Variants in INTS7 observed in about 807,000 individuals in gnomAD.
INTS7 encodes chromosome 1 open reading frame 73.
A neutral mutation model predicts 109.2 loss-of-function variants in INTS7; 46 were observed. The ratio of observed to expected loss-of-function variants is 0.42; its 90% CI spans 0.33 to 0.54. The LOEUF is 0.54. INTS7 is among the 20% of genes least tolerant of loss of function. The pLI is 0.07. For synonymous variants in INTS7, 412 were observed against 402.9 expected (o/e 1.02, Z -0.27); for missense variants, 929 against 1,132.4 (o/e 0.82, Z 2.58).
intron 1 of INTS7, among the ~76,000 whole-genome samples, chr1:212,031,530 T>C (rs1014884922): frequency 6.6e-6 from 1 of 152,214 alleles, no homozygotes; most frequent in African/African-American, 2.4e-5. Context: ...TGCCTTCCCA[T>C]TGCACTCTGC....
intron 17 of INTS7, among the ~76,000 whole-genome samples, chr1:211,951,633 G>A (rs907129186): frequency 2.0e-5 from 3 of 152,154 alleles, no homozygotes; most frequent in Non-Finnish European, 4.4e-5. Flanking sequence ...AGAAGAGGAA[G>A]AGTGACCAGA....
chr1:211,996,339 T>A (rs990291603), intron 7 of INTS7, among the ~76,000 whole-genome samples: 1 of 152,046 alleles, frequency 6.6e-6, no homozygotes, highest in South Asian at 2.1e-4. Flanking sequence ...GGAGAATCGC[T>A]TGAACCCAGG....
intron 13 of INTS7, among the ~76,000 whole-genome samples, chr1:211,969,043 G>A (rs889929058): frequency 3.3e-5 from 5 of 152,024 alleles, no homozygotes; most frequent in African/African-American, 9.7e-5. Context: ...CCAGCACTTC[G>A]GGAGGTCGAG....
chr1:212,006,089 T>C (rs1665897525), intron 7 of INTS7, among the ~76,000 whole-genome samples: 1 of 152,132 alleles, frequency 6.6e-6, no homozygotes, highest in African/African-American at 2.4e-5. Flanking sequence ...CAGGGTTCTA[T>C]TTTGAGAAAA....
chr1:211,975,117 G>A, intron 13 of INTS7, 49 bp downstream of exon 13: 1 of 1,289,396 alleles, frequency 7.8e-7, no homozygotes, highest in Non-Finnish European at 1.1e-6. Flanking sequence ...AGAAGGGAGA[G>A]AACTCTCACA....
At chr1:212,006,912 CTT>C in intron 6 of INTS7, 151 bp from the exon 7 acceptor site, 1 of 647,282 alleles carries the variant, frequency 1.5e-6, no homozygotes, top group South Asian at 2.5e-5. Flanking sequence ...ATTTGGGCCT[CTT>C]TCTCCATGTT....
chr1:212,026,129 A>G (rs1002220259), intron 1 of INTS7, among the ~76,000 whole-genome samples: 2 of 152,158 alleles, frequency 1.3e-5, no homozygotes, highest in African/African-American at 4.8e-5. Context: ...AGCCTGGGTG[A>G]CAGAGACCCT....
At chr1:212,010,516 C>G (rs1666121705) in intron 5 of INTS7, among the ~76,000 whole-genome samples, 1 of 151,992 alleles carries the variant, frequency 6.6e-6, no homozygotes, top group South Asian at 2.1e-4. Flanking sequence ...TAGCCTCTCT[C>G]ACACAGAGCA....
At chr1:212,017,246 A>T (rs1490145916) in intron 3 of INTS7, among the ~76,000 whole-genome samples, 1 of 152,274 alleles carries the variant, frequency 6.6e-6, no homozygotes, top group Non-Finnish European at 1.5e-5. Flanking sequence ...TAAAAAGCAA[A>T]ATTTTTAACA....
chr1:211,994,776 T>A (rs1314132761), intron 7 of INTS7, among the ~76,000 whole-genome samples: 1 of 149,904 alleles, frequency 6.7e-6, no homozygotes, highest in Non-Finnish European at 1.5e-5. Flanking sequence ...AAAAAAAGTA[T>A]GTTCAATTAA....
intron 4 of INTS7, 122 bp downstream of exon 4, chr1:212,016,764 C>T: frequency 1.3e-6 from 1 of 750,418 alleles, no homozygotes; most frequent in Non-Finnish European, 2.2e-6. Context: ...TCTTGGAAAA[C>T]ACACCTTGTA....
rs554099117 is a variant in INTS7 at position 212,016,832 on chromosome 1, A to C, written c.509+54T>G. On this transcript the variant is annotated intron_variant, in intron 4 of 19. Coordinates refer to ENST00000366994, the MANE Select transcript of INTS7 (RefSeq NM_015434.4). Reference sequence around the variant, plus strand: ...ATAAGTTGATCAGTTTTTCCTTCAAAAATTTTTCTTGGGAAGCCAAATTAC... The same window carrying C: ...ATAAGTTGATCAGTTTTTCCTTCAACAATTTTTCTTGGGAAGCCAAATTAC... 1.7e-5 allele frequency: 25 copies of C among 1,501,896 alleles called. No individual in the cohort carries two copies. The East Asian group carries it at 5.9e-4, about 35-fold the overall frequency. 93.0% of individuals were successfully genotyped at this position (1,501,896 alleles called of 1,614,324 possible).
At chr1:212,011,135 C>T (rs960831253) in intron 5 of INTS7, among the ~76,000 whole-genome samples, 1 of 152,068 alleles carries the variant, frequency 6.6e-6, no homozygotes, top group Non-Finnish European at 1.5e-5. Context: ...ATGTCATAGG[C>T]ACATTTGTCT....
At chr1:211,993,453 G>C (rs1665230152) in intron 7 of INTS7, among the ~76,000 whole-genome samples, 1 of 152,200 alleles carries the variant, frequency 6.6e-6, no homozygotes, top group Non-Finnish European at 1.5e-5. Context: ...GCCAAGGCGG[G>C]TGGATCACCT....
chr1:212,030,969 G>C (rs1006084681), intron 1 of INTS7: 1 of 152,234 alleles, frequency 6.6e-6, no homozygotes, highest in Non-Finnish European at 1.5e-5. Flanking sequence ...TGCAGAGACA[G>C]TTGTCCTGAT....
At chr1:212,034,240 TA>T (rs1392450374) in intron 1 of INTS7, among the ~76,000 whole-genome samples, 4 of 152,014 alleles carry the variant, frequency 2.6e-5, no homozygotes, top group African/African-American at 4.8e-5. Context: ...AATATCCCAT[TA>T]GGGGGCTGTG....
chr1:211,956,993 C>T (rs980795476), intron 16 of INTS7, among the ~76,000 whole-genome samples: 1 of 152,162 alleles, frequency 6.6e-6, no homozygotes, highest in Non-Finnish European at 1.5e-5. Flanking sequence ...CTTTATATGA[C>T]ATTGTCAAAC....
intron 16 of INTS7, 59 bp from the exon 17 acceptor site, chr1:211,952,760 C>T (rs1220085855): frequency 1.5e-6 from 2 of 1,337,408 alleles, no homozygotes; most frequent in Non-Finnish European, 2.1e-6. Context: ...TTAATGCCTA[C>T]ATGTATCAGG....
At chr1:211,958,299 T>G (rs1663456835) in intron 16 of INTS7, among the ~76,000 whole-genome samples, 1 of 151,522 alleles carries the variant, frequency 6.6e-6, no homozygotes, top group African/African-American at 2.4e-5. Context: ...TAGGTTAACA[T>G]TTTTTTTTCC....
Sources: allele counts gnomAD v4.1 joint callset (sites outside exome capture counted in the v4.1 genomes callset), GRCh38; gene constraint gnomAD v4.1.1; transcripts MANE v1.5; gene names NCBI Gene and HGNC (gene_info 2026-07-23, HGNC 2026-07-21).